OPCML: variants seen among roughly 807,000 people sequenced by gnomAD.
OPCML encodes opioid binding protein/cell adhesion molecule like, also known as opioid-binding protein/cell adhesion molecule.
A neutral mutation model predicts 37.8 loss-of-function variants in OPCML; 13 were observed. That is an observed-to-expected ratio of 0.34 (90% confidence interval 0.22 to 0.55). The LOEUF (loss-of-function observed/expected upper bound fraction) is 0.55, where lower values mean the gene tolerates loss of function less well. Among genes scored for constraint, OPCML ranks in the 20% least tolerant of loss-of-function variants. The pLI is 0.91. For synonymous variants in OPCML, 176 were observed against 168.8 expected (o/e 1.04, Z -0.33); for missense variants, 341 against 435.6 (o/e 0.78, Z 1.93).
At chr11:132,937,550 G>T (rs1186160915) in intron 2 of OPCML, among the ~76,000 whole-genome samples, 1 of 149,308 alleles carries the variant, frequency 6.7e-6, no homozygotes, top group East Asian at 2.0e-4. Context: ...TGTGTGTGTG[G>T]AGTGTGTGTG....
chr11:132,868,277 T>C (rs1049268107), intron 2 of OPCML, among the ~76,000 whole-genome samples: 2 of 150,944 alleles, frequency 1.3e-5, no homozygotes, highest in African/African-American at 2.4e-5. Flanking sequence ...GTTTCTAATA[T>C]TTTTCCATTG....
chr11:133,275,580 T>A (rs1450904219), intron 1 of OPCML, among the ~76,000 whole-genome samples: 1 of 152,184 alleles, frequency 6.6e-6, no homozygotes, highest in Non-Finnish European at 1.5e-5. Flanking sequence ...ACTGTCCATC[T>A]TGCTTTGCCT....
intron 1 of OPCML, among the ~76,000 whole-genome samples, chr11:133,505,944 C>T (rs898920675): frequency 1.3e-5 from 2 of 152,148 alleles, no homozygotes; most frequent in South Asian, 2.1e-4. Context: ...GTTAGAAGTT[C>T]GCACCATTTT....
intron 2 of OPCML, among the ~76,000 whole-genome samples, chr11:132,907,641 AAAG>A (rs1242286430): frequency 5.7e-4 from 86 of 152,012 alleles, no homozygotes; most frequent in East Asian, 2.1e-3. Context: ...AAAAAAAAAA[AAAG>A]AAGAAGAAAA....
intron 3 of OPCML, among the ~76,000 whole-genome samples, chr11:132,628,359 T>A (rs1434237012): frequency 1.3e-5 from 2 of 152,218 alleles, no homozygotes; most frequent in African/African-American, 4.8e-5. Context: ...CAAATTTTAC[T>A]GGCAACAAAA....
intron 4 of OPCML, among the ~76,000 whole-genome samples, chr11:132,439,083 G>A (rs2096023040): frequency 6.6e-6 from 1 of 152,128 alleles, no homozygotes; most frequent in Non-Finnish European, 1.5e-5. Flanking sequence ...TTGGCTAGTG[G>A]GAGCAATCCA....
intron 1 of OPCML, among the ~76,000 whole-genome samples, chr11:133,030,027 C>T (rs1482862404): frequency 6.6e-6 from 1 of 152,142 alleles, no homozygotes; most frequent in African/African-American, 2.4e-5. Flanking sequence ...GCTGCTGGCC[C>T]ACTGACCCCA....
chr11:132,771,162 G>C (rs1019987998), intron 2 of OPCML, among the ~76,000 whole-genome samples: 2 of 152,174 alleles, frequency 1.3e-5, no homozygotes, highest in Non-Finnish European at 2.9e-5. Flanking sequence ...TGGAAAAATA[G>C]GTTAGTTAGA....
At chr11:133,232,814 C>T (rs1167037697) in intron 1 of OPCML, among the ~76,000 whole-genome samples, 1 of 152,096 alleles carries the variant, frequency 6.6e-6, no homozygotes, top group Non-Finnish European at 1.5e-5. Context: ...GGTCGGACTG[C>T]CACCAAGTGA....
intron 3 of OPCML, among the ~76,000 whole-genome samples, chr11:132,626,323 T>A (rs1234356795): frequency 6.6e-6 from 1 of 151,884 alleles, no homozygotes; most frequent in African/African-American, 2.4e-5. Context: ...ACTCTCAGCC[T>A]ATTCAAGGCA....
At chr11:132,586,363 GGT>G (rs2137671685) in intron 3 of OPCML, among the ~76,000 whole-genome samples, 1 of 152,284 alleles carries the variant, frequency 6.6e-6, no homozygotes, top group Non-Finnish European at 1.5e-5. Flanking sequence ...AAGTCAGATA[GGT>G]CATGTGTGAT....
intron 1 of OPCML, among the ~76,000 whole-genome samples, chr11:133,516,358 C>T (rs116822980): frequency 0.051 from 7,684 of 152,136 alleles, 618 homozygotes; most frequent in African/African-American, 0.18. Context: ...CCAGGGGCTT[C>T]GGAGAGCCAC....
chr11:133,284,896 C>T (rs945254732), intron 1 of OPCML, among the ~76,000 whole-genome samples: 14 of 151,618 alleles, frequency 9.2e-5, no homozygotes, highest in African/African-American at 3.1e-4. Flanking sequence ...GCAGGAATAC[C>T]CCAAATGGAA....
intron 2 of OPCML, among the ~76,000 whole-genome samples, chr11:132,906,953 AC>A (rs1262459738): frequency 1.3e-5 from 2 of 152,184 alleles, no homozygotes; most frequent in Non-Finnish European, 2.9e-5. Flanking sequence ...TATTTAGTCA[AC>A]AAAAATATCG....
chr11:132,703,102 A>G (rs1402361469), intron 2 of OPCML, among the ~76,000 whole-genome samples: 1 of 152,124 alleles, frequency 6.6e-6, no homozygotes, highest in Non-Finnish European at 1.5e-5. Context: ...GACAACAAAG[A>G]TATGTCCTGA....
intron 1 of OPCML, among the ~76,000 whole-genome samples, chr11:133,242,474 G>A (rs1410915466): frequency 6.6e-6 from 1 of 152,080 alleles, no homozygotes; most frequent in African/African-American, 2.4e-5. Flanking sequence ...GGTATCCATG[G>A]GGACAGGTTC....
At chr11:133,275,217 T>C (rs1477242838) in intron 1 of OPCML, among the ~76,000 whole-genome samples, 3 of 152,172 alleles carry the variant, frequency 2.0e-5, no homozygotes, top group Non-Finnish European at 4.4e-5. Flanking sequence ...CAAAAAAATA[T>C]GTATTTCCTG....
intron 1 of OPCML, among the ~76,000 whole-genome samples, chr11:133,498,886 C>A (rs1449998748): frequency 2.6e-5 from 4 of 152,134 alleles, no homozygotes; most frequent in African/African-American, 9.7e-5. Context: ...ACCCAACAGG[C>A]TCTAAGATGG....
At chr11:133,378,437 C>T (rs967399775) in intron 1 of OPCML, among the ~76,000 whole-genome samples, 3 of 152,136 alleles carry the variant, frequency 2.0e-5, no homozygotes, top group Admixed American at 6.5e-5. Context: ...ACTTTTCTCT[C>T]ATAGCATACT....
Sources: allele counts gnomAD v4.1 joint callset (sites outside exome capture counted in the v4.1 genomes callset), GRCh38; gene constraint gnomAD v4.1.1; transcripts MANE v1.5; gene names NCBI Gene and HGNC (gene_info 2026-07-23, HGNC 2026-07-21).